The following CAST variants were observed in gnomAD, a reference collection of about 807,000 sequenced individuals.
CAST encodes MIR583 host.
In CAST, 76 loss-of-function variants were observed where a neutral mutation model predicts 119.6. The ratio of observed to expected loss-of-function variants is 0.64; its 90% CI spans 0.53 to 0.77. The LOEUF is 0.77. Ranked by LOEUF, CAST falls within the 30% of genes least tolerant of loss-of-function variation. The pLI, the probability that CAST is intolerant of heterozygous loss-of-function variation, is 0.00. For synonymous variants in CAST, 319 were observed against 331.6 expected (o/e 0.96, Z 0.41); for missense variants, 953 against 946.5 (o/e 1.01, Z -0.09).
the CAST span, among the ~76,000 whole-genome samples, chr5:96,101,053 A>G: frequency 1.3e-5 from 2 of 152,092 alleles, no homozygotes; most frequent in African/African-American, 4.8e-5. Flanking sequence ...CATTGGGACC[A>G]TAGGCACACA....
chr5:96,638,496 G>A (rs2150202897), intron 1 of CAST, among the ~76,000 whole-genome samples: 1 of 152,294 alleles, frequency 6.6e-6, no homozygotes, highest in Admixed American at 6.5e-5. Flanking sequence ...CTCTTCCATA[G>A]GAAAAGCCTT....
the CAST span, among the ~76,000 whole-genome samples, chr5:96,363,818 A>G: frequency 3.9e-5 from 6 of 152,056 alleles, no homozygotes; most frequent in Non-Finnish European, 8.8e-5. Flanking sequence ...CTAATTGAAT[A>G]CCCTTTATTC....
chr5:96,132,313 G>T, the CAST span, among the ~76,000 whole-genome samples: 6 of 152,004 alleles, frequency 3.9e-5, no homozygotes, highest in East Asian at 1.9e-4. Context: ...TATTTATGGG[G>T]TATATGTGAT....
the CAST span, among the ~76,000 whole-genome samples, chr5:96,054,801 G>A: frequency 0.016 from 2,483 of 152,190 alleles, 60 homozygotes; most frequent in African/African-American, 0.056. Context: ...GAACCGTCTT[G>A]GAGCTGCACT....
intron 2 of CAST, among the ~76,000 whole-genome samples, chr5:96,695,577 G>A (rs1753187037): frequency 6.6e-6 from 1 of 152,140 alleles, no homozygotes; most frequent in Non-Finnish European, 1.5e-5. Flanking sequence ...CATGAGAACT[G>A]CCTCAGTGAG....
chr5:96,747,684 T>TA (rs1322861042), intron 18 of CAST, among the ~76,000 whole-genome samples: 8 of 152,200 alleles, frequency 5.3e-5, no homozygotes, highest in African/African-American at 1.9e-4. Flanking sequence ...AGCTAGCACT[T>TA]AGAGTTCCAT....
chr5:96,118,006 T>C, the CAST span, among the ~76,000 whole-genome samples: 2 of 152,210 alleles, frequency 1.3e-5, no homozygotes, highest in Non-Finnish European at 2.9e-5. Flanking sequence ...AATGGATGAG[T>C]GTTCAGCACC....
At chr5:96,122,074 T>A in the CAST span, among the ~76,000 whole-genome samples, 2 of 152,196 alleles carry the variant, frequency 1.3e-5, no homozygotes, top group African/African-American at 4.8e-5. Context: ...TTTCTAATTA[T>A]TTAAGCTATT....
the CAST span, among the ~76,000 whole-genome samples, chr5:96,381,848 T>A: frequency 1.3e-5 from 2 of 152,240 alleles, no homozygotes; most frequent in East Asian, 3.8e-4. Flanking sequence ...TCAGGCTACT[T>A]TGAAATCAGT....
the CAST span, among the ~76,000 whole-genome samples, chr5:96,183,122 C>A: frequency 6.4e-4 from 95 of 148,758 alleles, 2 homozygotes; most frequent in Admixed American, 1.3e-4. Context: ...GCCTGGGTGA[C>A]AGAACAAGAC....
At chr5:96,736,638 A>C (rs1041910648) in intron 10 of CAST, among the ~76,000 whole-genome samples, 4 of 152,084 alleles carry the variant, frequency 2.6e-5, no homozygotes, top group African/African-American at 9.7e-5. Flanking sequence ...ATCCATGATC[A>C]GGAGAGTCCT....
At chr5:96,363,922 C>G in the CAST span, among the ~76,000 whole-genome samples, 9 of 152,208 alleles carry the variant, frequency 5.9e-5, no homozygotes, top group Admixed American at 2.6e-4. Context: ...GTTTTCAAAG[C>G]AAATGCTTCC....
chr5:96,322,504 G>A, the CAST span, among the ~76,000 whole-genome samples: 1 of 152,074 alleles, frequency 6.6e-6, no homozygotes, highest in Admixed American at 6.5e-5. Context: ...CTTTGAAAAT[G>A]CCTTGCTGTT....
intron 18 of CAST, 23 bp from the exon 19 acceptor site, chr5:96,748,495 A>G (rs1020278290): frequency 7.3e-6 from 9 of 1,225,444 alleles, no homozygotes; most frequent in Non-Finnish European, 9.5e-6. Context: ...CCCTTGTAAT[A>G]TACAGCACTT....
the CAST span, among the ~76,000 whole-genome samples, chr5:96,154,566 T>A: frequency 6.6e-6 from 1 of 152,196 alleles, no homozygotes; most frequent in African/African-American, 2.4e-5. Context: ...ATTTGCTTAA[T>A]TTTTACGTAA....
chr5:96,147,647 A>C, the CAST span, among the ~76,000 whole-genome samples: 50 of 152,170 alleles, frequency 3.3e-4, no homozygotes, highest in East Asian at 9.3e-3. Context: ...AACCCCAAAA[A>C]AACAAAAGAA....
At chr5:96,599,973 A>AAAAAAAAAAAACAAAAC (rs1319922230) in intron 1 of CAST, among the ~76,000 whole-genome samples, 12 of 90,156 alleles carry the variant, frequency 1.3e-4, no homozygotes, top group African/African-American at 3.6e-4. Flanking sequence ...AGGCAAAAAA[A>AAAAAAAAAAAACAAAAC]AAAAAAAAAA....
At chr5:96,264,893 T>C in the CAST span, among the ~76,000 whole-genome samples, 1 of 152,230 alleles carries the variant, frequency 6.6e-6, no homozygotes, top group Non-Finnish European at 1.5e-5. Context: ...AGTTGCAGAG[T>C]ATTTGATTCT....
the CAST span, among the ~76,000 whole-genome samples, chr5:96,064,186 T>C: frequency 2.6e-5 from 4 of 152,156 alleles, no homozygotes; most frequent in African/African-American, 7.2e-5. Flanking sequence ...AAAGAGACAG[T>C]AGTTTTTTTT....
Sources: allele counts gnomAD v4.1 joint callset (sites outside exome capture counted in the v4.1 genomes callset), GRCh38; gene constraint gnomAD v4.1.1; transcripts MANE v1.5; gene names NCBI Gene and HGNC (gene_info 2026-07-23, HGNC 2026-07-21).